CYP19A1: variants seen among roughly 807,000 people sequenced by gnomAD.
CYP19A1 encodes the protein cytochrome P450 family 19 subfamily A member 1.
CYP19A1 carries 32 observed loss-of-function variants against 44.4 expected under a neutral mutation model. That is an observed-to-expected ratio of 0.72 (90% confidence interval 0.54 to 0.97). CYP19A1 has a LOEUF of 0.97. Among genes scored for constraint, CYP19A1 ranks in the 50% least tolerant of loss-of-function variants. CYP19A1 has a pLI of 0.00. For missense variants in CYP19A1, 598 were observed against 637.8 expected (o/e 0.94, Z 0.67); for synonymous variants, 212 against 215.6 (o/e 0.98, Z 0.14).
intron 1 of CYP19A1, among the ~76,000 whole-genome samples, chr15:51,247,431 CCTT>C (rs1336445381): frequency 6.6e-6 from 1 of 151,682 alleles, no homozygotes; most frequent in East Asian, 1.9e-4. Context: ...CTCCTCCTGA[CCTT>C]CTCCCCCTGT....
chr15:51,303,299 T>A (rs1595771917), intron 1 of CYP19A1, among the ~76,000 whole-genome samples: 1 of 151,906 alleles, frequency 6.6e-6, no homozygotes, highest in South Asian at 2.1e-4. Context: ...CTTTTGAGGG[T>A]GAGAGAGCTA....
chr15:51,291,118 A>G (rs1003299572), intron 1 of CYP19A1, among the ~76,000 whole-genome samples: 24 of 152,322 alleles, frequency 1.6e-4, no homozygotes, highest in Non-Finnish European at 7.3e-5. Context: ...GGTTTGAGGC[A>G]GATCATTAAA....
At chr15:51,320,723 G>T (rs1488722378) in intron 1 of CYP19A1, among the ~76,000 whole-genome samples, 1 of 152,054 alleles carries the variant, frequency 6.6e-6, no homozygotes, top group Non-Finnish European at 1.5e-5. Flanking sequence ...CTCTAACCCA[G>T]TGCTGTCCAA....
chr15:51,297,970 G>T (rs2036035182), intron 1 of CYP19A1, among the ~76,000 whole-genome samples: 3 of 152,074 alleles, frequency 2.0e-5, no homozygotes. Context: ...TCTGAGGAAT[G>T]GGGGAAGATG....
At chr15:51,213,788 C>G (rs751549518) in intron 8 of CYP19A1, among the ~76,000 whole-genome samples, 2 of 152,162 alleles carry the variant, frequency 1.3e-5, no homozygotes, top group South Asian at 4.1e-4. Context: ...CCTTCGGTCT[C>G]TCTTTACTGT....
Position 51,232,627 on chromosome 15 carries a change from CACTTTG to C in CYP19A1, c.296+4226_296+4231del, listed in dbSNP as rs1273797484. 2.0e-5 allele frequency among the ~76,000 whole-genome samples: 3 copies of C among 152,316 alleles called. No homozygotes were observed. In the East Asian group the frequency reaches 5.8e-4, roughly 29 times the overall value. The stretch of plus-strand genomic sequence containing the variant: ...CCCCATTCAATGCAAAACTGGACAG[CACTTTG>C]ACTCTTTTTTTTTCTCTCACACCCT... On this transcript the variant is annotated intron_variant, in intron 3 of 9. Coordinates refer to ENST00000396402, the MANE Select transcript of CYP19A1 (RefSeq NM_000103.4).
chr15:51,215,029 A>C (rs760538984), intron 8 of CYP19A1, 41 bp downstream of exon 8: 2 of 1,578,918 alleles, frequency 1.3e-6, no homozygotes, highest in South Asian at 1.1e-5. Flanking sequence ...ATTCAGAAGA[A>C]ATTGTTTTTA....
chr15:51,301,404 C>T (rs772730062), intron 1 of CYP19A1, among the ~76,000 whole-genome samples: 1 of 152,206 alleles, frequency 6.6e-6, no homozygotes, highest in Non-Finnish European at 1.5e-5. Context: ...CAGAGGCAGG[C>T]TTCATCTCAT....
chr15:51,322,680 C>T (rs576002021), intron 1 of CYP19A1, among the ~76,000 whole-genome samples: 1 of 152,340 alleles, frequency 6.6e-6, no homozygotes, highest in East Asian at 1.9e-4. Flanking sequence ...ACCCCCACCC[C>T]CGCTTCCCCA....
At chr15:51,298,918 A>T (rs568246278) in intron 1 of CYP19A1, among the ~76,000 whole-genome samples, 9 of 124,932 alleles carry the variant, frequency 7.2e-5, no homozygotes, top group African/African-American at 2.8e-4. Flanking sequence ...AGCAGGCCTG[A>T]GCTCATTGCT....
chr15:51,275,772 AG>A, intron 1 of CYP19A1, among the ~76,000 whole-genome samples: 1 of 152,346 alleles, frequency 6.6e-6, no homozygotes, highest in East Asian at 1.9e-4. Context: ...TTCTGCTGAA[AG>A]GCCAACCATG....
chr15:51,299,366 G>A (rs1035337348), intron 1 of CYP19A1, among the ~76,000 whole-genome samples: 3 of 152,348 alleles, frequency 2.0e-5, no homozygotes, highest in East Asian at 1.9e-4. Flanking sequence ...GAAAGGCTCT[G>A]TCACCCATTC....
Position 51,211,774 on chromosome 15 carries a change from T to A in CYP19A1, c.1263+546A>T, listed in dbSNP as rs183088283. The A allele has an allele frequency of 2.5e-5, 9 of 364,646 alleles. No individual in the cohort carries two copies. In the East Asian group the frequency reaches 7.4e-4, roughly 30 times the overall value. 22.6% of individuals were successfully genotyped at this position (364,646 alleles called of 1,614,324 possible). On this transcript the variant is annotated intron_variant, in intron 9 of 9. Transcript: ENST00000396402. The stretch of plus-strand genomic sequence containing the variant: ...AAAATTTGACATAATGAAGGTGGAA[T>A]CTGTAGTACACATCAATTATAAAAA...
At chr15:51,315,048 C>G (rs1053383320) in intron 1 of CYP19A1, among the ~76,000 whole-genome samples, 1 of 152,032 alleles carries the variant, frequency 6.6e-6, no homozygotes, top group Non-Finnish European at 1.5e-5. Context: ...CTCTCTACCC[C>G]GAGGCCAGAG....
Position 51,246,164 on chromosome 15 carries a change from C to A in CYP19A1, c.-38-3214G>T, listed in dbSNP as rs564459079. On this transcript the variant is annotated intron_variant, in intron 1 of 9. Transcript: ENST00000396402. ...TAATGGGCCACGTGGGTAGGTTAAA[C>A]AGAAGCCTTCAAATAGTGGTACAGG... Among the ~76,000 whole-genome samples the A allele has an allele frequency of 4.6e-5, 7 of 152,262 alleles. No individual in the cohort carries two copies. In the East Asian group the frequency reaches 9.7e-4, roughly 21 times the overall value.
At chr15:51,286,607 C>T (rs143088562) in intron 1 of CYP19A1, among the ~76,000 whole-genome samples, 6 of 152,236 alleles carry the variant, frequency 3.9e-5, no homozygotes, top group African/African-American at 7.2e-5. Context: ...CCTTGGACAG[C>T]ACAAAGGGAA....
intron 1 of CYP19A1, among the ~76,000 whole-genome samples, chr15:51,249,501 T>C (rs185574096): frequency 8.5e-5 from 13 of 152,338 alleles, no homozygotes; most frequent in Admixed American, 4.6e-4. Flanking sequence ...GCCAAGGCAC[T>C]ATATAAATCA....
chr15:51,294,620 GGGAGGGAGGTGGGGGGGTCAGCCCC>G (rs1188248127), intron 1 of CYP19A1, among the ~76,000 whole-genome samples: 81 of 148,588 alleles, frequency 5.5e-4, no homozygotes, highest in African/African-American at 1.8e-3. Context: ...TGCCCTGTCC[GGGAGGGAGGTGGGGGGGTCAGCCCC>G]CCGCCCGGCC....
intron 9 of CYP19A1, 24 bp from the exon 10 acceptor site, chr15:51,211,080 G>C (rs2030927957): frequency 2.6e-6 from 4 of 1,518,430 alleles, no homozygotes; most frequent in Non-Finnish European, 3.7e-6. Context: ...CAGACAGTTA[G>C]CCAGAATATT....
Sources: allele counts gnomAD v4.1 joint callset (sites outside exome capture counted in the v4.1 genomes callset), GRCh38; gene constraint gnomAD v4.1.1; transcripts MANE v1.5; gene names NCBI Gene and HGNC (gene_info 2026-07-23, HGNC 2026-07-21).